Variants in NFKB1 observed in about 807,000 individuals in gnomAD.
NFKB1 encodes the protein nuclear factor kappa B subunit 1.
NFKB1 carries 9 observed loss-of-function variants against 105.1 expected under a neutral mutation model. The observed-to-expected ratio is 0.09, with a 90% CI of 0.05 to 0.15. The LOEUF (loss-of-function observed/expected upper bound fraction) is 0.15, where lower values mean the gene tolerates loss of function less well. Among genes scored for constraint, NFKB1 ranks in the 10% least tolerant of loss-of-function variants. NFKB1 has a pLI of 1.00. For missense variants in NFKB1, 830 were observed against 1,203.7 expected (o/e 0.69, Z 4.59); for synonymous variants, 440 against 442.2 (o/e 1.00, Z 0.06).
chr4:102,509,403 T>C (rs1280211367), intron 1 of NFKB1, among the ~76,000 whole-genome samples: 1 of 152,226 alleles, frequency 6.6e-6, no homozygotes, highest in East Asian at 1.9e-4. Context: ...TCTTCTGTAA[T>C]AGCCAAATAG....
At chr4:102,510,498 C>T (rs1739708540) in intron 1 of NFKB1, among the ~76,000 whole-genome samples, 1 of 152,154 alleles carries the variant, frequency 6.6e-6, no homozygotes, top group Non-Finnish European at 1.5e-5. Context: ...AATTGGAAGA[C>T]TTCAGATTTT....
At chr4:102,605,491 G>C (rs946900450) in intron 16 of NFKB1, among the ~76,000 whole-genome samples, 8 of 152,186 alleles carry the variant, frequency 5.3e-5, no homozygotes, top group Non-Finnish European at 8.8e-5. Flanking sequence ...GTCATAGTTA[G>C]GCTCCTGTGA....
At chr4:102,516,298 A>G (rs1740178816) in intron 1 of NFKB1, among the ~76,000 whole-genome samples, 1 of 152,026 alleles carries the variant, frequency 6.6e-6, no homozygotes, top group African/African-American at 2.4e-5. Context: ...TTGATTTTTT[A>G]AAAATCAAAT....
chr4:102,543,305 G>C (rs1440608882), intron 5 of NFKB1, among the ~76,000 whole-genome samples: 1 of 152,070 alleles, frequency 6.6e-6, no homozygotes, highest in Non-Finnish European at 1.5e-5. Context: ...CCTAACTAAT[G>C]TGACACGTCC....
chr4:102,533,993 G>T, intron 4 of NFKB1, 108 bp downstream of exon 4: 1 of 934,178 alleles, frequency 1.1e-6, no homozygotes. Context: ...TAGTTTATCT[G>T]AAAGATCAAC....
intron 5 of NFKB1, among the ~76,000 whole-genome samples, chr4:102,540,742 G>A (rs1741945246): frequency 6.6e-6 from 1 of 152,068 alleles, no homozygotes; most frequent in South Asian, 2.1e-4. Context: ...TTCTTAATTG[G>A]AAGGATGGGT....
At chr4:102,553,605 A>T (rs193135304) in intron 5 of NFKB1, among the ~76,000 whole-genome samples, 2 of 152,168 alleles carry the variant, frequency 1.3e-5, no homozygotes, top group African/African-American at 2.4e-5. Flanking sequence ...TAGGATTTTT[A>T]AAAAATCTCT....
chr4:102,586,939 T>G (rs1479566300), intron 11 of NFKB1, among the ~76,000 whole-genome samples: 1 of 152,252 alleles, frequency 6.6e-6, no homozygotes, highest in Non-Finnish European at 1.5e-5. Context: ...CAGGAGTGTT[T>G]AGAAAACGGT....
In NFKB1 at chr4:102,597,604, A is replaced by G; in HGVS notation, c.1580A>G (p.Lys527Arg). The change falls in exon 15 of 24, where the codon AAG becomes AGG. Residue 527 changes from lysine (K) to arginine (R), a missense_variant. By Grantham distance (26) the Lys-to-Arg change is conservative (BLOSUM62 2). Around this residue, in one of 8 missense-constraint regions of NFKB1, gnomAD observed 418 missense variants for 575.3 expected, o/e 0.73. Coordinates refer to ENST00000226574, the MANE Select transcript of NFKB1 (RefSeq NM_003998.4). ...GACTACGCGGTGACAGGAGACGTGA[A>G]GATGCTGCTGGCCGTCCAGCGCCAT... ...LFDYAVTGDV[K>R]MLLAVQRHLT... 1 of 1,613,962 alleles carries G rather than the reference A, an allele frequency of 6.2e-7. No homozygotes were observed. The highest frequency in any genetic ancestry group is 8.5e-7 in the Non-Finnish European group (1 of 1,179,914).
rs376375112 is a variant in NFKB1, at chr4:102,545,933, G to A, written c.258+7977G>A. 2.6e-5 allele frequency among the ~76,000 whole-genome samples: 4 copies of A among 152,178 alleles called. No individual in the cohort carries two copies. The East Asian group carries it at 5.8e-4, about 22-fold the overall frequency. On this transcript the variant is annotated intron_variant, in intron 5 of 23. Transcript: ENST00000226574. ...TAATTAAGAGGATACGGCACAACGT[G>A]GAAAACTGCTTATAACATAATATTA...
chr4:102,564,089 G>A (rs1159782578), intron 5 of NFKB1, among the ~76,000 whole-genome samples: 1 of 151,964 alleles, frequency 6.6e-6, no homozygotes, highest in Non-Finnish European at 1.5e-5. Context: ...CAAAGTGCTG[G>A]GATTACAGGC....
intron 6 of NFKB1, among the ~76,000 whole-genome samples, chr4:102,570,176 G>A (rs530472767): frequency 1.3e-5 from 2 of 152,170 alleles, no homozygotes; most frequent in East Asian, 3.9e-4. Context: ...TATACCAACT[G>A]GTAAGCACTA....
chr4:102,599,278 T>A (rs1260626997), intron 15 of NFKB1, among the ~76,000 whole-genome samples: 2 of 152,172 alleles, frequency 1.3e-5, no homozygotes, highest in Admixed American at 6.5e-5. Flanking sequence ...CTTCTTCCAG[T>A]ATCACATTTC....
In NFKB1 at chr4:102,616,780, G is replaced by C; in HGVS notation, c.*186G>C. On this transcript the variant is annotated 3_prime_UTR_variant, in exon 24 of 24. Coordinates refer to ENST00000226574, the MANE Select transcript of NFKB1 (RefSeq NM_003998.4). ...TGGTTCATAAATGAATTTTAGTTTG[G>C]TTCACTTACAGATAGTATCTAGCAA... 1 of 600,872 alleles carries C rather than the reference G, an allele frequency of 1.7e-6. No individual in the cohort carries two copies. The highest frequency in any genetic ancestry group is 2.2e-5 in the South Asian group (1 of 46,402). 37.2% of individuals were successfully genotyped at this position (600,872 alleles called of 1,614,324 possible).
At chr4:102,605,015 T>G (rs1727573540) in intron 16 of NFKB1, among the ~76,000 whole-genome samples, 1 of 152,120 alleles carries the variant, frequency 6.6e-6, no homozygotes, top group Admixed American at 6.5e-5. Context: ...ATTTTTTAAT[T>G]AAATTCAAGC....
rs540473226 is a variant in NFKB1 at position 102,595,013 on chromosome 4, A to G, written c.1300+32A>G. 7.6e-6 allele frequency: 11 copies of G among 1,446,170 alleles called. No homozygotes were observed. In the African/African-American group the frequency reaches 1.5e-4, roughly 20 times the overall value. 89.6% of individuals were successfully genotyped at this position (1,446,170 alleles called of 1,614,324 possible). ...AATGCTTTGTTCTTAATACCAAGAA[A>G]GGAAAAAAATAATTAATGCTAAAAA... On this transcript the variant is annotated intron_variant, in intron 13 of 23. Transcript: ENST00000226574.
intron 1 of NFKB1, among the ~76,000 whole-genome samples, chr4:102,506,396 A>G (rs1382337529): frequency 6.6e-6 from 1 of 152,202 alleles, no homozygotes; most frequent in African/African-American, 2.4e-5. Context: ...TTAAACACCT[A>G]TCACCCATAA....
intron 5 of NFKB1, among the ~76,000 whole-genome samples, chr4:102,550,218 A>G (rs527351452): frequency 5.5e-4 from 84 of 152,040 alleles, no homozygotes; most frequent in Non-Finnish European, 8.8e-4. Context: ...GCTAGCTCCT[A>G]TGTCTTTTTG....
At chr4:102,519,885 A>G (rs759343057) in intron 1 of NFKB1, among the ~76,000 whole-genome samples, 20 of 152,196 alleles carry the variant, frequency 1.3e-4, no homozygotes, top group Non-Finnish European at 2.6e-4. Flanking sequence ...GTGAAGTTCT[A>G]GCTACAGTTC....
Sources: gnomAD v4.1 joint callset for allele counts (sites outside exome capture counted in the v4.1 genomes callset) on GRCh38, gnomAD v4.1.1 for gene constraint, gnomAD v4.1.1 regional missense constraint, MANE v1.5 for transcripts, NCBI Gene and HGNC (gene_info 2026-07-23, HGNC 2026-07-21) for gene names.